The following CALD1 variants were observed in gnomAD, a reference collection of about 807,000 sequenced individuals.
CALD1 encodes the protein caldesmon 1, also known as caldesmon.
A neutral mutation model predicts 99.9 loss-of-function variants in CALD1; 33 were observed. The ratio of observed to expected loss-of-function variants is 0.33; its 90% confidence interval spans 0.25 to 0.44. The LOEUF (loss-of-function observed/expected upper bound fraction) is 0.44. Ranked by LOEUF, CALD1 falls within the 20% of genes least tolerant of loss-of-function variation. The pLI is 1.00. For synonymous variants in CALD1, 310 were observed against 325.0 expected (o/e 0.95, Z 0.50); for missense variants, 861 against 962.1 (o/e 0.89, Z 1.39).
At chr7:134,782,097 T>C (rs1055106495) in intron 1 of CALD1, among the ~76,000 whole-genome samples, 1 of 152,214 alleles carries the variant, frequency 6.6e-6, no homozygotes, top group Non-Finnish European at 1.5e-5. Context: ...TAGAAACACA[T>C]GTAATTGTCT....
intron 3 of CALD1, among the ~76,000 whole-genome samples, chr7:134,923,246 A>G (rs531957174): frequency 6.6e-6 from 1 of 152,310 alleles, no homozygotes; most frequent in Non-Finnish European, 1.5e-5. Context: ...TCCACAATAA[A>G]CCCTCTTCCA....
intron 3 of CALD1, among the ~76,000 whole-genome samples, chr7:134,892,050 G>T (rs1802237648): frequency 6.6e-6 from 1 of 152,146 alleles, no homozygotes; most frequent in Non-Finnish European, 1.5e-5. Flanking sequence ...TGATCCATTT[G>T]CAGGGCTCAG....
chr7:134,726,503 A>T, the CALD1 span, among the ~76,000 whole-genome samples: 19 of 129,680 alleles, frequency 1.5e-4, 1 homozygote, highest in African/African-American at 6.2e-4. Context: ...AGCTTTAGAT[A>T]TATAATATAC....
chr7:134,876,095 G>A (rs1330570115), intron 3 of CALD1, among the ~76,000 whole-genome samples: 1 of 152,142 alleles, frequency 6.6e-6, no homozygotes, highest in Non-Finnish European at 1.5e-5. Flanking sequence ...TATTTTTGAG[G>A]CACTGATGAA....
intron 3 of CALD1, among the ~76,000 whole-genome samples, chr7:134,873,028 CA>C (rs901489119): frequency 6.6e-6 from 1 of 150,660 alleles, no homozygotes; most frequent in Non-Finnish European, 1.5e-5. Flanking sequence ...ACTAAAAATA[CA>C]AAAAAAAATT....
intron 3 of CALD1, among the ~76,000 whole-genome samples, chr7:134,907,520 A>G (rs1433196589): frequency 6.6e-6 from 1 of 152,186 alleles, no homozygotes; most frequent in Non-Finnish European, 1.5e-5. Flanking sequence ...TCTTAAAAGT[A>G]AGACTAGGTG....
intron 3 of CALD1, among the ~76,000 whole-genome samples, chr7:134,910,881 A>G (rs959551718): frequency 1.3e-5 from 2 of 152,214 alleles, no homozygotes; most frequent in African/African-American, 4.8e-5. Context: ...CCATCTCCAG[A>G]GAAAGTAACA....
intron 1 of CALD1, among the ~76,000 whole-genome samples, chr7:134,770,637 T>G (rs1796869513): frequency 6.6e-6 from 1 of 152,212 alleles, no homozygotes; most frequent in Non-Finnish European, 1.5e-5. Flanking sequence ...CAGGCCCACC[T>G]GGACAATCCA....
chr7:134,801,422 T>C (rs934556359), intron 1 of CALD1, among the ~76,000 whole-genome samples: 1 of 152,232 alleles, frequency 6.6e-6, no homozygotes, highest in Non-Finnish European at 1.5e-5. Context: ...TCCCTATTTC[T>C]GGGTTCAAAT....
At chr7:134,724,403 G>C in the CALD1 span, among the ~76,000 whole-genome samples, 3 of 152,186 alleles carry the variant, frequency 2.0e-5, no homozygotes, top group African/African-American at 7.2e-5. Flanking sequence ...TGAGGGGAGA[G>C]CGCCTGGGGT....
upstream of CALD1, among the ~76,000 whole-genome samples, chr7:134,741,569 A>G (rs1796591782): frequency 6.6e-6 from 1 of 152,200 alleles, no homozygotes; most frequent in South Asian, 2.1e-4. Flanking sequence ...AGCTATAGAA[A>G]GAACCAAAAA....
At chr7:134,844,630 T>C (rs1370443138) in intron 2 of CALD1, among the ~76,000 whole-genome samples, 1 of 152,212 alleles carries the variant, frequency 6.6e-6, no homozygotes, top group Admixed American at 6.5e-5. Context: ...GCAAGTTTTC[T>C]CAGGCTACCA....
At chr7:134,864,251 G>A (rs1318815559) in intron 2 of CALD1, among the ~76,000 whole-genome samples, 1 of 151,360 alleles carries the variant, frequency 6.6e-6, no homozygotes, top group African/African-American at 2.4e-5. Context: ...GGAGGCTGAA[G>A]CAGGAGAATT....
upstream of CALD1, among the ~76,000 whole-genome samples, chr7:134,740,537 G>A (rs1488940667): frequency 7.2e-5 from 11 of 152,212 alleles, no homozygotes; most frequent in African/African-American, 2.2e-4. Flanking sequence ...AGCCAACAGT[G>A]TGATATGGCT....
At chr7:134,930,792 T>C (rs1315514178) in intron 4 of CALD1, among the ~76,000 whole-genome samples, 1 of 152,222 alleles carries the variant, frequency 6.6e-6, no homozygotes, top group South Asian at 2.1e-4. Flanking sequence ...AAATGCAGTG[T>C]CTTACACATA....
intron 3 of CALD1, chr7:134,891,615 G>C: frequency 8.1e-6 from 13 of 1,608,086 alleles, no homozygotes; most frequent in Non-Finnish European, 1.1e-5. Flanking sequence ...CTTCCCAACT[G>C]CGGACATGCT....
chr7:134,933,970 G>T lies in CALD1; in HGVS notation c.1201G>T (p.Glu401Ter), dbSNP rs1455482780. 6.2e-7 allele frequency: 1 copy of T among 1,614,138 alleles called. No individual in the cohort carries two copies. The highest frequency in any genetic ancestry group is 2.2e-5 in the East Asian group (1 of 44,886). Residue 401 changes from glutamate (E) to a stop codon, truncating the protein, a stop_gained, in exon 5 of 15, where the codon GAG (glutamate) becomes TAG (stop). Transcript: ENST00000361675. LOFTEE classifies it high-confidence loss of function. Reference sequence around the variant, plus strand: ...AGAAGAGAAAAAACATGCCATGCAAGAGACAAAGATAAAAGGGGAAAAGGT... The same window carrying T: ...AGAAGAGAAAAAACATGCCATGCAATAGACAAAGATAAAAGGGGAAAAGGT... Reference protein sequence around the residue: ...QLEEKKHAMQETKIKGEKVEQ... With the variant: ...QLEEKKHAMQ
intron 9 of CALD1, 110 bp downstream of exon 9, chr7:134,950,624 C>A: frequency 1.1e-6 from 1 of 907,842 alleles, no homozygotes. Flanking sequence ...TTTTTGCTAT[C>A]CTTCCAAGTT....
chr7:134,779,815 G>A (rs1797034821), intron 1 of CALD1, 66 bp downstream of exon 1: 1 of 397,376 alleles, frequency 2.5e-6, no homozygotes, highest in South Asian at 1.3e-4. Flanking sequence ...CCGGCTTTCA[G>A]TCAACATTCC....
Sources: gnomAD v4.1 joint callset for allele counts (sites outside exome capture counted in the v4.1 genomes callset) on GRCh38, gnomAD v4.1.1 for gene constraint, MANE v1.5 for transcripts, NCBI Gene and HGNC (gene_info 2026-07-23, HGNC 2026-07-21) for gene names.